The following SLC35F3 variants were observed in gnomAD, a reference collection of about 807,000 sequenced individuals.
The protein encoded by SLC35F3 is putative thiamine transporter SLC35F3.
In SLC35F3, 25 loss-of-function variants were observed where a neutral mutation model predicts 49.9. The observed-to-expected ratio is 0.50, with a 90% CI of 0.37 to 0.70. The LOEUF is 0.70. Ranked by LOEUF, SLC35F3 falls within the 30% of genes least tolerant of loss-of-function variation. The probability of loss-of-function intolerance (pLI) is 0.00; values close to 1 mark genes in which losing one functional copy is unlikely to be tolerated. For missense variants in SLC35F3, 525 were observed against 639.8 expected (o/e 0.82, Z 1.94); for synonymous variants, 275 against 265.4 (o/e 1.04, Z -0.35).
At chr1:234,121,824 T>C (rs1572059888) in intron 2 of SLC35F3, among the ~76,000 whole-genome samples, 1 of 152,350 alleles carries the variant, frequency 6.6e-6, no homozygotes, top group East Asian at 1.9e-4. Flanking sequence ...TTTGGTTTTC[T>C]GTCCTTATGA....
chr1:234,121,853 G>T (rs1377882976), intron 2 of SLC35F3, among the ~76,000 whole-genome samples: 1 of 152,148 alleles, frequency 6.6e-6, no homozygotes, highest in African/African-American at 2.4e-5. Flanking sequence ...TCAGAATGAT[G>T]GTTTCCAGCT....
At chr1:234,005,255 C>G (rs1448647003) in intron 2 of SLC35F3, among the ~76,000 whole-genome samples, 10 of 152,120 alleles carry the variant, frequency 6.6e-5, no homozygotes, top group Non-Finnish European at 1.5e-4. Flanking sequence ...CTACCCAGGA[C>G]TAATAATAAG....
At chr1:234,090,205 A>G (rs10910335) in intron 2 of SLC35F3, among the ~76,000 whole-genome samples, 1,950 of 152,382 alleles carry the variant, frequency 0.013, 35 homozygotes, top group African/African-American at 0.039. Context: ...TCCTTAGTCA[A>G]TGCTGAGCAC....
intron 2 of SLC35F3, among the ~76,000 whole-genome samples, chr1:234,118,963 GT>G (rs1665534190): frequency 1.3e-5 from 2 of 151,478 alleles, no homozygotes; most frequent in Non-Finnish European, 2.9e-5. Flanking sequence ...CTAAGTTGGA[GT>G]GAATCATCTA....
intron 2 of SLC35F3, among the ~76,000 whole-genome samples, chr1:233,918,725 C>A (rs1243731220): frequency 6.6e-6 from 1 of 151,970 alleles, no homozygotes; most frequent in Non-Finnish European, 1.5e-5. Context: ...CAAGATCATA[C>A]CATGCACTCC....
chr1:234,187,411 G>T (rs1666658658), intron 2 of SLC35F3, among the ~76,000 whole-genome samples: 1 of 152,188 alleles, frequency 6.6e-6, no homozygotes, highest in Admixed American at 6.5e-5. Flanking sequence ...CAGGAGGCAG[G>T]ACTAAATTGC....
chr1:234,020,168 G>A (rs929979347), intron 2 of SLC35F3, among the ~76,000 whole-genome samples: 17 of 152,090 alleles, frequency 1.1e-4, no homozygotes, highest in Admixed American at 3.9e-4. Flanking sequence ...TTTTGATAGA[G>A]TGTCTACCTT....
intron 2 of SLC35F3, among the ~76,000 whole-genome samples, chr1:233,978,481 C>T (rs1663127672): frequency 6.6e-6 from 1 of 152,184 alleles, no homozygotes; most frequent in Non-Finnish European, 1.5e-5. Context: ...AAAGCCACCC[C>T]ATATTACAAG....
chr1:233,940,393 GAGAT>G (rs1662401256), intron 2 of SLC35F3, among the ~76,000 whole-genome samples: 1 of 151,774 alleles, frequency 6.6e-6, no homozygotes, highest in South Asian at 2.1e-4. Flanking sequence ...GAGAGAGAGA[GAGAT>G]AGGAATAAAA....
chr1:233,934,878 G>A (rs1381125594), intron 2 of SLC35F3, among the ~76,000 whole-genome samples: 1 of 138,928 alleles, frequency 7.2e-6, no homozygotes, highest in Non-Finnish European at 1.6e-5. Context: ...CTGGTATTCT[G>A]CCAGGATGAT....
chr1:233,920,046 TAGAG>T (rs1287573146), intron 2 of SLC35F3, among the ~76,000 whole-genome samples: 1 of 152,144 alleles, frequency 6.6e-6, no homozygotes, highest in Non-Finnish European at 1.5e-5. Context: ...CGTTTGCAGA[TAGAG>T]AGAGACCTGA....
At position 233,972,092 on chromosome 1, in the gene SLC35F3, C is replaced by G. The variant is rs1663003794; in HGVS notation, c.283+66334C>G. Among the ~76,000 whole-genome samples, 3 of 152,318 alleles carry G rather than the reference C, an allele frequency of 2.0e-5. No individual in the cohort carries two copies. The South Asian group carries it at 6.2e-4, about 32-fold the overall frequency. On this transcript the variant is annotated intron_variant, in intron 2 of 7. Transcript: ENST00000366618. ...GGGTAACAGTATTTGAAACAATGTA[C>G]AAAAGCTATTTGGCCATGACAACTA... is the stretch of plus-strand genomic sequence containing the variant.
intron 2 of SLC35F3, among the ~76,000 whole-genome samples, chr1:233,965,994 A>G (rs1381010474): frequency 6.6e-6 from 1 of 152,170 alleles, no homozygotes; most frequent in Non-Finnish European, 1.5e-5. Context: ...TGAAATCTCC[A>G]TGGTCTGGGG....
chr1:234,260,181 G>A lies in SLC35F3; in HGVS notation c.608+28440G>A, dbSNP rs77843243. 4.2e-4 allele frequency among the ~76,000 whole-genome samples: 64 copies of A among 152,220 alleles called. 2 individuals are homozygous for A. The East Asian group carries it at 0.012, about 29-fold the overall frequency. On this transcript the variant is annotated intron_variant, in intron 3 of 7. Coordinates refer to ENST00000366618, the MANE Select transcript of SLC35F3 (RefSeq NM_173508.4). ...CACACTCCTTAGTACTGGTTACTAT[G>A]TCTCAAAACAGTTTTCAGGGTTTAG...
At chr1:233,953,965 CAGTGATG>C (rs1387243027) in intron 2 of SLC35F3, among the ~76,000 whole-genome samples, 3 of 151,476 alleles carry the variant, frequency 2.0e-5, no homozygotes, top group African/African-American at 7.3e-5. Flanking sequence ...TTCACTTCTT[CAGTGATG>C]GGCCGCATCT....
Position 233,905,012 on chromosome 1 carries a change from G to A in SLC35F3, c.-66G>A. On this transcript the variant is annotated 5_prime_UTR_variant, in exon 1 of 8. Transcript: ENST00000366618. Reference sequence around the variant, plus strand: ...AGTCTTCCCAGGCTAGCGGCTGCAGGGAGCTCCGGCCCGCGGCCCCTCCGC... The same window carrying A: ...AGTCTTCCCAGGCTAGCGGCTGCAGAGAGCTCCGGCCCGCGGCCCCTCCGC... 1 of 1,514,344 alleles carries A rather than the reference G, an allele frequency of 6.6e-7. No individual in the cohort carries two copies. Among genetic ancestry groups the A allele is most frequent in the Non-Finnish European group, 8.9e-7 (1 of 1,117,432 alleles). 93.8% of individuals were successfully genotyped at this position (1,514,344 alleles called of 1,614,324 possible). A position where few individuals can be genotyped will look rare whatever the true frequency, so the allele number is the denominator to read the frequency against.
At chr1:234,148,739 G>A (rs930667498) in intron 2 of SLC35F3, among the ~76,000 whole-genome samples, 1 of 152,216 alleles carries the variant, frequency 6.6e-6, no homozygotes, top group African/African-American at 2.4e-5. Flanking sequence ...ATCTAAGCAG[G>A]TGATTTGAAC....
chr1:234,260,484 G>A (rs1166786399), intron 3 of SLC35F3, among the ~76,000 whole-genome samples: 1 of 152,208 alleles, frequency 6.6e-6, no homozygotes, highest in Non-Finnish European at 1.5e-5. Flanking sequence ...CTCTATATGA[G>A]TTCTGCTCAG....
At position 234,214,339 on chromosome 1, in the gene SLC35F3, C is replaced by T; in HGVS notation, c.284-17078C>T. 7.6e-7 allele frequency: 1 copy of T among 1,312,626 alleles called. No homozygotes were observed. The highest frequency in any genetic ancestry group is 9.7e-7 in the Non-Finnish European group (1 of 1,033,186). The allele number at this position is 1,312,626 out of a possible 1,614,324, so 81.3% of individuals were successfully genotyped here. On this transcript the variant is annotated intron_variant, in intron 2 of 7. Coordinates refer to ENST00000366618, the MANE Select transcript of SLC35F3 (RefSeq NM_173508.4). This position sits in a 1 kb window ranked among gnomAD's most constrained non-coding sequence, Gnocchi z 8.0. ...CAGTGAGCAACGCGGCAACCGGAGCCCGGCGGGCAGCCGGGGAGGCCGGGA... is the reference window on the plus strand; with the variant it reads ...CAGTGAGCAACGCGGCAACCGGAGCTCGGCGGGCAGCCGGGGAGGCCGGGA...
Sources: allele counts gnomAD v4.1 joint callset (sites outside exome capture counted in the v4.1 genomes callset), GRCh38; gene constraint gnomAD v4.1.1; non-coding constraint Gnocchi (gnomAD v3.1); transcripts MANE v1.5; gene names NCBI Gene and HGNC (gene_info 2026-07-23, HGNC 2026-07-21).